Variants in ARHGAP11A observed in about 807,000 individuals in gnomAD.
ARHGAP11A encodes rho GTPase-activating protein 11A.
A neutral mutation model predicts 60.5 loss-of-function variants in ARHGAP11A; 36 were observed. The observed-to-expected ratio is 0.59, with a 90% CI of 0.46 to 0.79. The LOEUF (loss-of-function observed/expected upper bound fraction) is 0.79, where lower values mean the gene tolerates loss of function less well. Among genes scored for constraint, ARHGAP11A ranks in the 30% least tolerant of loss-of-function variants. The pLI is 0.00. For missense variants in ARHGAP11A, 1,071 were observed against 1,199.2 expected (o/e 0.89, Z 1.58); for synonymous variants, 362 against 415.5 (o/e 0.87, Z 1.57).
chr15:32,616,454 T>G, intron 1 of ARHGAP11A, 114 bp downstream of exon 1: 7 of 1,482,574 alleles, frequency 4.7e-6, no homozygotes, highest in Admixed American at 2.3e-5. Flanking sequence ...AATGGTTAGG[T>G]GTGTAATTCA....
rs748262231 is a variant in ARHGAP11A at position 32,635,932 on chromosome 15, CTG to C, written c.1483+19_1483+20del. 1 of 1,572,112 alleles carries C rather than the reference CTG, an allele frequency of 6.4e-7. No homozygotes were observed. The highest frequency in any genetic ancestry group is 1.2e-5 in the South Asian group (1 of 83,102). On this transcript the variant is annotated intron_variant, in intron 11 of 11. Coordinates refer to ENST00000361627, the MANE Select transcript of ARHGAP11A (RefSeq NM_014783.6). ...CAAAGAAAGGTACATTTACATACTA[CTG>C]TTAGAGTTTTACCTAAAAATCCTGC...
intron 6 of ARHGAP11A, 152 bp downstream of exon 6, chr15:32,625,785 A>G (rs55860525): frequency 0.13 from 103,463 of 771,326 alleles, 7,036 homozygotes; most frequent in East Asian, 0.26. Context: ...AGTTAAAGCG[A>G]TAGTACAATC....
At chr15:32,632,444 C>T (rs1004079213) in intron 8 of ARHGAP11A, among the ~76,000 whole-genome samples, 8 of 152,158 alleles carry the variant, frequency 5.3e-5, no homozygotes, top group Admixed American at 3.9e-4. Context: ...AATTACATTC[C>T]GGAGTCAGGT....
rs867509152 is a variant in ARHGAP11A at position 32,637,773 on chromosome 15, G to A, written c.3000G>A (p.Trp1000Ter). The A allele has an allele frequency of 1.2e-6, 2 of 1,611,338 alleles. No individual in the cohort carries two copies. The highest frequency in any genetic ancestry group is 1.7e-6 in the Non-Finnish European group (2 of 1,179,322). Reference protein sequence around the residue: ...LRRPSERGRAWYKGSPKHPIG... With the variant: ...LRRPSERGRA Reference sequence around the variant, plus strand: ...GACCATCAGAAAGAGGAAGGGCCTGGTACAAAGGTTCTCCAAAACATCCTA... The same window carrying A: ...GACCATCAGAAAGAGGAAGGGCCTGATACAAAGGTTCTCCAAAACATCCTA... Residue 1000 changes from tryptophan to a stop codon, truncating the protein, a stop_gained, in exon 12 of 12, where the codon TGG becomes TGA. Transcript: ENST00000361627. LOFTEE classifies it high-confidence loss of function.
chr15:32,630,341 T>A (rs1456388360), intron 8 of ARHGAP11A, among the ~76,000 whole-genome samples: 6 of 104,892 alleles, frequency 5.7e-5, no homozygotes, highest in South Asian at 3.7e-4. Flanking sequence ...AACTACAAGT[T>A]CTAATGTGGC....
chr15:32,628,253 C>T (rs2053511519), intron 6 of ARHGAP11A, among the ~76,000 whole-genome samples: 1 of 152,232 alleles, frequency 6.6e-6, no homozygotes, highest in South Asian at 2.1e-4. Flanking sequence ...CTACTATTTC[C>T]TGTCTTTGAG....
At chr15:32,626,567 A>G (rs1270935325) in intron 6 of ARHGAP11A, among the ~76,000 whole-genome samples, 1 of 152,078 alleles carries the variant, frequency 6.6e-6, no homozygotes, top group African/African-American at 2.4e-5. Context: ...CCTCCTTTGT[A>G]GATAGGATAA....
intron 1 of ARHGAP11A, among the ~76,000 whole-genome samples, chr15:32,618,760 C>A (rs1432686700): frequency 1.7e-4 from 2 of 11,500 alleles, no homozygotes; most frequent in African/African-American, 3.5e-4. Context: ...ACGGTGAAAC[C>A]CCCCCCCCCC....
Position 32,639,446 on chromosome 15 carries a change from GAC to G in ARHGAP11A, c.*1603_*1604del, listed in dbSNP as rs1391419429. On this transcript the variant is annotated 3_prime_UTR_variant, in exon 12 of 12. Transcript: ENST00000361627. ...TATGGCATTTCTAATTGTAAGTAGA[GAC>G]AAAATATTCATATAGTCAGATATAT... 1 of 152,194 alleles carries G rather than the reference GAC, an allele frequency of 6.6e-6. No homozygotes were observed. Among genetic ancestry groups the G allele is most frequent in the Non-Finnish European group, 1.5e-5 (1 of 68,038 alleles). The allele number at this position is 152,194 out of a possible 1,614,324, so 9.4% of individuals were successfully genotyped here. A position where few individuals can be genotyped will look rare whatever the true frequency, so the allele number is the denominator to read the frequency against.
intron 8 of ARHGAP11A, among the ~76,000 whole-genome samples, chr15:32,631,610 T>A (rs1247973127): frequency 1.3e-5 from 2 of 152,342 alleles, no homozygotes; most frequent in East Asian, 3.9e-4. Flanking sequence ...ATAATTTTCT[T>A]ACAGATGTGA....
intron 9 of ARHGAP11A, among the ~76,000 whole-genome samples, 172 bp from the exon 10 acceptor site, chr15:32,633,761 A>T (rs910161697): frequency 1.3e-5 from 2 of 152,180 alleles, no homozygotes; most frequent in African/African-American, 4.8e-5. Flanking sequence ...TTTTATGCAA[A>T]TGCAGTGTGT....
chr15:32,618,882 C>T (rs779887855), intron 1 of ARHGAP11A, among the ~76,000 whole-genome samples: 7 of 151,400 alleles, frequency 4.6e-5, no homozygotes, highest in Non-Finnish European at 1.0e-4. Context: ...ACCCGGGAGG[C>T]GGAGCTTGCA....
rs530451091 is a variant in ARHGAP11A, at chr15:32,631,856, A to C, written c.1106-1123A>C. Reference sequence around the variant, plus strand: ...ACACCCAGCTAATTTTTGTATTTTTAGTAGAGATGGGATTTCACCATGTTG... The same window carrying C: ...ACACCCAGCTAATTTTTGTATTTTTCGTAGAGATGGGATTTCACCATGTTG... On this transcript the variant is annotated intron_variant, in intron 8 of 11. Coordinates refer to ENST00000361627, the MANE Select transcript of ARHGAP11A (RefSeq NM_014783.6). 1.7e-3 allele frequency among the ~76,000 whole-genome samples: 259 copies of C among 151,910 alleles called. 2 individuals carry two copies. The highest frequency in any genetic ancestry group is 5.7e-3 in the African/African-American group (235 of 41,434).
At chr15:32,616,603 A>T (rs2053156702) in intron 1 of ARHGAP11A, among the ~76,000 whole-genome samples, 1 of 152,150 alleles carries the variant, frequency 6.6e-6, no homozygotes. Flanking sequence ...AATTTTTGTT[A>T]GGGGAAGACG....
intron 4 of ARHGAP11A, among the ~76,000 whole-genome samples, 168 bp from the exon 5 acceptor site, chr15:32,624,912 A>G (rs1244094719): frequency 2.0e-5 from 3 of 152,032 alleles, no homozygotes; most frequent in African/African-American, 4.8e-5. Context: ...GAGAGGCTAT[A>G]TATTTCTGGT....
rs752534483 is a variant in ARHGAP11A at position 32,637,297 on chromosome 15, G to A, written c.2524G>A (p.Val842Ile). 14 of 1,614,168 alleles carry A rather than the reference G, an allele frequency of 8.7e-6. No individual in the cohort carries two copies. The highest frequency in any genetic ancestry group is 4.5e-5 in the East Asian group (2 of 44,886). ...TCAGCGTACTCCTGTTCGTCAGTCC[G>A]TCAGAAGAATTAATTCTTTGTTGGA... Reference protein sequence around the residue: ...KFQRTPVRQSVRRINSLLEYS... With the variant: ...KFQRTPVRQSIRRINSLLEYS... Residue 842 changes from valine (V) to isoleucine (I), a missense_variant, in exon 12 of 12, where the codon GTC becomes ATC. By Grantham distance (29) the Val-to-Ile change is conservative. Around this residue, in one of 4 missense-constraint regions of ARHGAP11A, gnomAD observed 776 missense variants for 760.2 expected, o/e 1.02. Coordinates refer to ENST00000361627, the MANE Select transcript of ARHGAP11A (RefSeq NM_014783.6).
intron 2 of ARHGAP11A, among the ~76,000 whole-genome samples, chr15:32,621,893 C>T (rs924220955): frequency 1.3e-5 from 2 of 152,232 alleles, no homozygotes; most frequent in Non-Finnish European, 2.9e-5. Context: ...ATCCTTAATT[C>T]ATTTCCCCTC....
In ARHGAP11A at chr15:32,637,172, A is replaced by G. The variant is rs760061970; in HGVS notation, c.2399A>G (p.Gln800Arg). ...TCEKTVSESS[Q>R]MTEHRKVSDH... ...GAGAAAACAGTTTCTGAAAGTTCAC[A>G]AATGACAGAACATAGAAAGGTTTCT... Residue 800 changes from glutamine (Q) to arginine (R), a missense_variant, in exon 12 of 12, where the codon CAA becomes CGA. This residue lies in a region of ARHGAP11A where 776 missense variants were observed against 760.2 expected (regional missense o/e 1.02). Transcript: ENST00000361627. 1 of 1,614,196 alleles carries G rather than the reference A, an allele frequency of 6.2e-7. No homozygotes were observed. Among genetic ancestry groups the G allele is most frequent in the Non-Finnish European group, 8.5e-7 (1 of 1,180,026 alleles).
chr15:32,624,234 T>G lies in ARHGAP11A; in HGVS notation c.359T>G (p.Leu120Arg). Residue 120 changes from leucine to arginine, a missense_variant, in exon 4 of 12, where the codon CTT (leucine) becomes CGT (arginine). Around this residue, in one of 4 missense-constraint regions of ARHGAP11A, gnomAD observed 71 missense variants for 142.4 expected, o/e 0.50. Coordinates refer to ENST00000361627, the MANE Select transcript of ARHGAP11A (RefSeq NM_014783.6). Reference sequence around the variant, plus strand: ...GCACCTCCTTGTGATATTGCGGGACTTCTTAAGCAGTTTTTTAGGGAACTG... The same window carrying G: ...GCACCTCCTTGTGATATTGCGGGACGTCTTAAGCAGTTTTTTAGGGAACTG... ...SSAPPCDIAG[L>R]LKQFFRELPE... The G allele has an allele frequency of 6.2e-7, 1 of 1,612,834 alleles. No individual in the cohort carries two copies. Among genetic ancestry groups the G allele is most frequent in the Non-Finnish European group, 8.5e-7 (1 of 1,179,182 alleles).
Sources: gnomAD v4.1 joint callset for allele counts (sites outside exome capture counted in the v4.1 genomes callset) on GRCh38, gnomAD v4.1.1 for gene constraint, gnomAD v4.1.1 regional missense constraint, MANE v1.5 for transcripts, NCBI Gene and HGNC (gene_info 2026-07-23, HGNC 2026-07-21) for gene names.